ROBO2: variants seen among roughly 807,000 people sequenced by gnomAD.
The protein encoded by ROBO2 is roundabout homolog 2.
In ROBO2, 53 loss-of-function variants were observed where a neutral mutation model predicts 160.8. The observed-to-expected ratio is 0.33, with a 90% CI of 0.26 to 0.41. The LOEUF is 0.41. ROBO2 is among the 10% of genes least tolerant of loss of function. The pLI, the probability that ROBO2 is intolerant of heterozygous loss-of-function variation, is 1.00. For synonymous variants in ROBO2, 664 were observed against 611.7 expected, an observed-to-expected ratio of 1.09 and a Z score of -1.26; for missense variants, 1,577 against 1,722.4, an observed-to-expected ratio of 0.92 and a Z score of 1.49.
At chr3:76,832,323 TA>T (rs1424051190) in intron 2 of ROBO2, among the ~76,000 whole-genome samples, 1 of 152,182 alleles carries the variant, frequency 6.6e-6, no homozygotes, top group Non-Finnish European at 1.5e-5. Context: ...TGCTCTCTGT[TA>T]AAATCAATAT....
chr3:76,170,972 A>G (rs2073018765), intron 2 of ROBO2, among the ~76,000 whole-genome samples: 1 of 152,136 alleles, frequency 6.6e-6, no homozygotes, highest in African/African-American at 2.4e-5. Context: ...TGCTATATGC[A>G]CATTCATTTA....
At chr3:77,373,121 A>T (rs2072039053) in intron 2 of ROBO2, among the ~76,000 whole-genome samples, 1 of 147,190 alleles carries the variant, frequency 6.8e-6, no homozygotes, top group African/African-American at 2.4e-5. Flanking sequence ...AATTATTATA[A>T]AAGTTATAAA....
At chr3:77,474,252 G>A (rs1436160789) in intron 2 of ROBO2, among the ~76,000 whole-genome samples, 2 of 152,076 alleles carry the variant, frequency 1.3e-5, no homozygotes, top group Non-Finnish European at 2.9e-5. Context: ...CCTAAGAAAC[G>A]GAGTATATAA....
chr3:76,308,394 A>AAAAAG (rs2071423030), intron 2 of ROBO2, among the ~76,000 whole-genome samples: 1 of 150,694 alleles, frequency 6.6e-6, no homozygotes, highest in Non-Finnish European at 1.5e-5. Context: ...AAAAAAAAAA[A>AAAAAG]AAAGAAAGAA....
At chr3:76,961,800 C>T (rs950412280) in intron 2 of ROBO2, among the ~76,000 whole-genome samples, 1 of 152,100 alleles carries the variant, frequency 6.6e-6, no homozygotes, top group African/African-American at 2.4e-5. Flanking sequence ...ACCTACGGGT[C>T]CTTTTTTTAT....
At chr3:77,527,011 A>G (rs812887) in intron 6 of ROBO2, among the ~76,000 whole-genome samples, 93,787 of 151,138 alleles carry the variant, frequency 0.62, 29,327 homozygotes, top group African/African-American at 0.68. Flanking sequence ...TAAATCAGAC[A>G]GCGAGGCCTT....
At chr3:77,223,584 C>A (rs2086108978) in intron 2 of ROBO2, among the ~76,000 whole-genome samples, 1 of 152,020 alleles carries the variant, frequency 6.6e-6, no homozygotes, top group Non-Finnish European at 1.5e-5. Flanking sequence ...CTTGCTTTCT[C>A]CTATAGATTC....
At position 77,400,693 on chromosome 3, in the gene ROBO2, T is replaced by C. The variant is rs185930035; in HGVS notation, c.389-76721T>C. Among the ~76,000 whole-genome samples, 450 of 152,250 alleles carry C rather than the reference T, an allele frequency of 3.0e-3. 6 individuals are homozygous for C. Among genetic ancestry groups the C allele is most frequent in the East Asian group, 2.7e-3 (14 of 5,184 alleles). On this transcript the variant is annotated intron_variant, in intron 2 of 25. Coordinates refer to ENST00000461745, the Ensembl canonical transcript of ROBO2. ...CGTTCAAGAATCCCTTTTATATTGGTTAGTATGGGGCTAATTATGCATTCG... is the reference window on the plus strand; with the variant it reads ...CGTTCAAGAATCCCTTTTATATTGGCTAGTATGGGGCTAATTATGCATTCG...
chr3:76,063,430 T>A (rs1299876456), intron 2 of ROBO2, among the ~76,000 whole-genome samples: 1 of 151,234 alleles, frequency 6.6e-6, no homozygotes, highest in Non-Finnish European at 1.5e-5. Flanking sequence ...GCAGCCTTGA[T>A]TCCCTTTGGG....
chr3:77,219,424 GTA>G (rs1339506192), intron 2 of ROBO2, among the ~76,000 whole-genome samples: 1 of 99,808 alleles, frequency 1.0e-5, no homozygotes, highest in Non-Finnish European at 2.1e-5. Flanking sequence ...TTGACTGTGT[GTA>G]TGTGTGTGTA....
At chr3:77,586,339 G>A (rs940306744) in intron 16 of ROBO2, among the ~76,000 whole-genome samples, 1 of 151,960 alleles carries the variant, frequency 6.6e-6, no homozygotes, top group Non-Finnish European at 1.5e-5. Flanking sequence ...GGCTTTTCAC[G>A]CTTACATTAC....
chr3:76,050,479 A>C (rs186784235), intron 2 of ROBO2, among the ~76,000 whole-genome samples: 2 of 152,100 alleles, frequency 1.3e-5, no homozygotes, highest in African/African-American at 4.8e-5. Context: ...CCTTATGATC[A>C]TGTGAGTCAA....
intron 2 of ROBO2, among the ~76,000 whole-genome samples, chr3:76,056,900 T>G (rs903081776): frequency 3.2e-4 from 48 of 151,762 alleles, no homozygotes; most frequent in Admixed American, 3.1e-3. Flanking sequence ...GCAGTTTCAA[T>G]CCCTCATTAA....
At chr3:77,511,522 C>T (rs2089395257) in intron 5 of ROBO2, among the ~76,000 whole-genome samples, 1 of 151,980 alleles carries the variant, frequency 6.6e-6, no homozygotes, top group Non-Finnish European at 1.5e-5. Context: ...TTGCGGTGAA[C>T]ATCTTTTTTG....
At chr3:76,839,747 G>A (rs761438163) in intron 2 of ROBO2, among the ~76,000 whole-genome samples, 2 of 152,136 alleles carry the variant, frequency 1.3e-5, no homozygotes, top group Non-Finnish European at 2.9e-5. Context: ...ATTGGTATTA[G>A]CTCTTCTTTA....
intron 2 of ROBO2, among the ~76,000 whole-genome samples, chr3:76,916,934 G>C (rs1391616330): frequency 1.3e-5 from 2 of 152,066 alleles, no homozygotes; most frequent in Admixed American, 1.3e-4. Flanking sequence ...TTGAGGAACA[G>C]AGAAACTTCT....
chr3:76,585,655 G>C (rs1043332652), intron 2 of ROBO2, among the ~76,000 whole-genome samples: 1 of 152,074 alleles, frequency 6.6e-6, no homozygotes, highest in Admixed American at 6.5e-5. Context: ...ACCAAAACAT[G>C]TTGTTATTAA....
chr3:77,298,492 T>C (rs745590352), intron 2 of ROBO2, among the ~76,000 whole-genome samples: 1 of 152,190 alleles, frequency 6.6e-6, no homozygotes, highest in African/African-American at 2.4e-5. Context: ...ATGAGTCTTT[T>C]GTATTCTTAG....
chr3:77,477,316 A>G (rs569130531), intron 2 of ROBO2, 98 bp from the exon 3 acceptor site: 2 of 1,250,766 alleles, frequency 1.6e-6, no homozygotes, highest in African/African-American at 2.9e-5. Flanking sequence ...GGCAATTTTT[A>G]CTAGAACAAG....
Sources: allele counts gnomAD v4.1 joint callset (sites outside exome capture counted in the v4.1 genomes callset), GRCh38; gene constraint gnomAD v4.1.1; transcripts MANE v1.5; gene names NCBI Gene and HGNC (gene_info 2026-07-23, HGNC 2026-07-21).